Variants in FAM171A1 observed in about 807,000 individuals in gnomAD.
FAM171A1 encodes the protein family with sequence similarity 171 member A1, also known as protein FAM171A1.
A neutral mutation model predicts 74.9 loss-of-function variants in FAM171A1; 23 were observed. The observed-to-expected ratio is 0.31, with a 90% confidence interval of 0.22 to 0.44. FAM171A1 has a LOEUF of 0.44. Among genes scored for constraint, FAM171A1 ranks in the 20% least tolerant of loss-of-function variants. FAM171A1 has a pLI of 1.00. For missense variants in FAM171A1, 1,162 were observed against 1,159.2 expected (o/e 1.00, Z -0.03); for synonymous variants, 527 against 505.7 (o/e 1.04, Z -0.57).
intron 1 of FAM171A1, among the ~76,000 whole-genome samples, chr10:15,368,407 G>A (rs1040463172): frequency 2.6e-5 from 4 of 152,128 alleles, no homozygotes; most frequent in Admixed American, 6.5e-5. Flanking sequence ...TATGATTTCC[G>A]TCTGTTTGAG....
At chr10:15,261,608 A>G (rs1698826655) in intron 3 of FAM171A1, among the ~76,000 whole-genome samples, 1 of 152,218 alleles carries the variant, frequency 6.6e-6, no homozygotes, top group Admixed American at 6.5e-5. Flanking sequence ...ACTTCAAGAG[A>G]GAGAGTGGCC....
chr10:15,337,094 T>C (rs915502886), intron 1 of FAM171A1, among the ~76,000 whole-genome samples: 5 of 151,646 alleles, frequency 3.3e-5, no homozygotes, highest in Non-Finnish European at 5.9e-5. Context: ...TTGCCCAGAA[T>C]GGCCTTGAAC....
intron 1 of FAM171A1, among the ~76,000 whole-genome samples, chr10:15,327,481 C>T (rs528840386): frequency 3.3e-5 from 5 of 152,126 alleles, no homozygotes; most frequent in Non-Finnish European, 7.4e-5. Flanking sequence ...GAAACCCCAT[C>T]TCTACAAAAA....
At chr10:15,240,623 G>A (rs998781690) in intron 5 of FAM171A1, among the ~76,000 whole-genome samples, 1 of 152,110 alleles carries the variant, frequency 6.6e-6, no homozygotes, top group African/African-American at 2.4e-5. Flanking sequence ...CCACTCTCAC[G>A]GGGTTTGAAA....
At chr10:15,226,282 T>C (rs1182602211) in intron 5 of FAM171A1, among the ~76,000 whole-genome samples, 2 of 152,206 alleles carry the variant, frequency 1.3e-5, no homozygotes, top group Non-Finnish European at 1.5e-5. Flanking sequence ...TCAACGCCTA[T>C]GGCTGGGCCT....
chr10:15,256,723 C>T (rs951944787), intron 3 of FAM171A1, among the ~76,000 whole-genome samples: 2 of 152,192 alleles, frequency 1.3e-5, no homozygotes, highest in African/African-American at 2.4e-5. Context: ...ATACCGATGT[C>T]TTACTCCTGC....
At chr10:15,367,221 A>AACAC (rs34667103) in intron 1 of FAM171A1, among the ~76,000 whole-genome samples, 3 of 151,140 alleles carry the variant, frequency 2.0e-5, no homozygotes, top group Non-Finnish European at 1.5e-5. Context: ...CAAACAAACA[A>AACAC]ACACACACAC....
chr10:15,312,530 C>T (rs1835371979), intron 1 of FAM171A1, among the ~76,000 whole-genome samples: 1 of 151,956 alleles, frequency 6.6e-6, no homozygotes, highest in Non-Finnish European at 1.5e-5. Flanking sequence ...GGACCCTCTC[C>T]TGTCCCTCCA....
intron 1 of FAM171A1, among the ~76,000 whole-genome samples, chr10:15,314,669 A>C (rs903974822): frequency 7.2e-5 from 11 of 152,206 alleles, no homozygotes; most frequent in East Asian, 1.9e-4. Context: ...CGGGGGAAAG[A>C]GTTCAAGGGC....
intron 1 of FAM171A1, among the ~76,000 whole-genome samples, chr10:15,285,410 A>T (rs143313768): frequency 6.6e-6 from 1 of 152,294 alleles, no homozygotes; most frequent in East Asian, 1.9e-4. Context: ...GATCAAATTT[A>T]TGTTACAGAA....
chr10:15,288,813 CTTTTTTTTTTTTTTT>C (rs71505064), intron 1 of FAM171A1, among the ~76,000 whole-genome samples: 1 of 73,688 alleles, frequency 1.4e-5, no homozygotes, highest in African/African-American at 4.8e-5. Context: ...TTCGGTAATT[CTTTTTTTTTTTTTTT>C]TTTTTTTTTT....
chr10:15,237,483 T>C (rs1834307015), intron 5 of FAM171A1: 1 of 152,226 alleles, frequency 6.6e-6, no homozygotes, highest in South Asian at 2.1e-4. Flanking sequence ...ATGTCGATGT[T>C]CTGAGATCAC....
chr10:15,248,076 A>C (rs1175668704), intron 5 of FAM171A1, among the ~76,000 whole-genome samples: 2 of 152,154 alleles, frequency 1.3e-5, no homozygotes, highest in African/African-American at 4.8e-5. Context: ...GAGATACTGG[A>C]GCTCACTGTT....
Position 15,227,598 on chromosome 10 carries a change from C to G in FAM171A1, c.755-6538G>C, listed in dbSNP as rs545949705. Among the ~76,000 whole-genome samples the G allele has an allele frequency of 2.0e-5, 3 of 152,216 alleles. No homozygotes were observed. The South Asian group carries it at 6.2e-4, about 32-fold the overall frequency. ...GTCTCAATATATTGCCCAGGATGGTCTTGAACTTCTGGACCCAAGTGATCC... is the reference window on the plus strand; with the variant it reads ...GTCTCAATATATTGCCCAGGATGGTGTTGAACTTCTGGACCCAAGTGATCC... On this transcript the variant is annotated intron_variant, in intron 5 of 7. Coordinates refer to ENST00000378116, the MANE Select transcript of FAM171A1 (RefSeq NM_001010924.2).
At chr10:15,234,457 A>G (rs570488456) in intron 5 of FAM171A1, among the ~76,000 whole-genome samples, 104 of 152,084 alleles carry the variant, frequency 6.8e-4, no homozygotes, top group Admixed American at 4.1e-3. Context: ...ACGAGAGTAC[A>G]CTCCACAGAC....
At chr10:15,255,737 C>A (rs930414887) in intron 3 of FAM171A1, among the ~76,000 whole-genome samples, 1 of 151,710 alleles carries the variant, frequency 6.6e-6, no homozygotes, top group African/African-American at 2.4e-5. Context: ...GCAACCTCTG[C>A]CTCCCGTTCA....
intron 1 of FAM171A1, among the ~76,000 whole-genome samples, chr10:15,337,592 C>T (rs1835717311): frequency 6.6e-6 from 1 of 152,194 alleles, no homozygotes; most frequent in Admixed American, 6.5e-5. Flanking sequence ...ACGTGTAATC[C>T]CAGCGCTTTA....
intron 1 of FAM171A1, among the ~76,000 whole-genome samples, chr10:15,294,946 G>C (rs1042688957): frequency 2.0e-5 from 3 of 151,988 alleles, no homozygotes; most frequent in African/African-American, 7.3e-5. Context: ...ACAGAGTTTT[G>C]CTCTTGTTGC....
intron 1 of FAM171A1, among the ~76,000 whole-genome samples, chr10:15,354,540 G>C (rs1224682907): frequency 6.6e-6 from 1 of 151,986 alleles, no homozygotes; most frequent in Non-Finnish European, 1.5e-5. Flanking sequence ...AATGAACTTG[G>C]CAATGTCTCC....
Sources: gnomAD v4.1 joint callset for allele counts (sites outside exome capture counted in the v4.1 genomes callset) on GRCh38, gnomAD v4.1.1 for gene constraint, MANE v1.5 for transcripts, NCBI Gene and HGNC (gene_info 2026-07-23, HGNC 2026-07-21) for gene names.